TMEM132C: variants seen among roughly 807,000 people sequenced by gnomAD.
The protein encoded by TMEM132C is protein phosphatase 1, regulatory subunit 152.
In TMEM132C, 29 loss-of-function variants were observed where a neutral mutation model predicts 61.4. The observed-to-expected ratio is 0.47, with a 90% CI of 0.35 to 0.64. TMEM132C has a LOEUF of 0.64. Among genes scored for constraint, TMEM132C ranks in the 30% least tolerant of loss-of-function variants. TMEM132C has a pLI of 0.00. For missense variants in TMEM132C, 1,408 were observed against 1,476.9 expected (o/e 0.95, Z 0.76); for synonymous variants, 656 against 633.1 (o/e 1.04, Z -0.54).
intron 2 of TMEM132C, among the ~76,000 whole-genome samples, chr12:128,452,840 A>G (rs1312761479): frequency 1.3e-5 from 2 of 152,226 alleles, no homozygotes; most frequent in Non-Finnish European, 2.9e-5. Context: ...TCATAATTAC[A>G]TATGTATCGT....
In TMEM132C at chr12:128,654,253, C is replaced by T. The variant is rs1264366829; in HGVS notation, c.1306-15164C>T. Among the ~76,000 whole-genome samples, 6 of 152,014 alleles carry T rather than the reference C, an allele frequency of 3.9e-5. 1 individual carries two copies. The highest frequency in any genetic ancestry group is 4.2e-4 in the South Asian group (2 of 4,810). On this transcript the variant is annotated intron_variant, in intron 4 of 8. Transcript: ENST00000435159. ...TAGGTGGGAGATTTGGATAGAGCCA[C>T]GGGGAGAGCGTTCCACGGTGGCAGA...
chr12:128,579,322 C>A (rs928645788), intron 3 of TMEM132C, among the ~76,000 whole-genome samples: 1 of 152,324 alleles, frequency 6.6e-6, no homozygotes, highest in African/African-American at 2.4e-5. Flanking sequence ...TAAATCGTTT[C>A]TACTCTAATG....
At chr12:128,310,547 T>G (rs938867661) in intron 1 of TMEM132C, among the ~76,000 whole-genome samples, 2 of 150,844 alleles carry the variant, frequency 1.3e-5, no homozygotes, top group Admixed American at 6.6e-5. Flanking sequence ...GGGTCGGGGG[T>G]TTGCCACACG....
intron 3 of TMEM132C, among the ~76,000 whole-genome samples, chr12:128,583,591 A>T (rs1875429562): frequency 6.6e-6 from 1 of 152,182 alleles, no homozygotes; most frequent in Admixed American, 6.5e-5. Context: ...GATGCTGGGA[A>T]CAGGGAAGAT....
intron 1 of TMEM132C, among the ~76,000 whole-genome samples, chr12:128,275,252 A>G (rs2135893470): frequency 6.6e-6 from 1 of 152,270 alleles, no homozygotes; most frequent in Middle Eastern, 3.4e-3. Context: ...TAAGCGAGCA[A>G]TGCTTCCTCT....
intron 4 of TMEM132C, among the ~76,000 whole-genome samples, chr12:128,637,798 G>A (rs937785078): frequency 2.6e-5 from 4 of 152,216 alleles, no homozygotes; most frequent in African/African-American, 9.6e-5. Context: ...GGATCCCACA[G>A]TTGGCACAGC....
intron 1 of TMEM132C, among the ~76,000 whole-genome samples, chr12:128,405,515 A>G (rs1193421802): frequency 6.6e-6 from 1 of 152,226 alleles, no homozygotes; most frequent in Non-Finnish European, 1.5e-5. Flanking sequence ...GAGTCTATCT[A>G]AGAGAAAATC....
At chr12:128,602,787 T>C (rs1041529994) in intron 3 of TMEM132C, among the ~76,000 whole-genome samples, 11 of 152,192 alleles carry the variant, frequency 7.2e-5, no homozygotes, top group Admixed American at 2.6e-4. Flanking sequence ...TCCTGGGGAT[T>C]AGGGTGGCTT....
rs1565962409 is a variant in TMEM132C at position 128,525,337 on chromosome 12, TCTCTCTTTC to T, written c.975-18619_975-18611del. On this transcript the variant is annotated intron_variant, in intron 2 of 8. Coordinates refer to ENST00000435159, the MANE Select transcript of TMEM132C (RefSeq NM_001136103.3). ...TTGCACTTCTCTCTCTCTCTCTCTC[TCTCTCTTTC>T]TCTCTCTCTCTCTCTCCCTCCTTTG... Among the ~76,000 whole-genome samples the T allele has an allele frequency of 1.4e-4, 21 of 148,926 alleles. 1 individual carries two copies. The South Asian group carries it at 4.1e-3, about 29-fold the overall frequency.
chr12:128,615,526 T>C (rs1259125694), intron 3 of TMEM132C, among the ~76,000 whole-genome samples: 1 of 152,126 alleles, frequency 6.6e-6, no homozygotes, highest in Non-Finnish European at 1.5e-5. Flanking sequence ...GGCGTTAGAT[T>C]TTCATAAGGC....
intron 1 of TMEM132C, among the ~76,000 whole-genome samples, chr12:128,345,398 T>A (rs773155783): frequency 3.9e-5 from 6 of 152,202 alleles, no homozygotes; most frequent in Non-Finnish European, 7.3e-5. Flanking sequence ...AAAGAATGAT[T>A]TATATTCCTT....
chr12:128,503,913 T>G (rs1872265238), intron 2 of TMEM132C, among the ~76,000 whole-genome samples: 1 of 152,222 alleles, frequency 6.6e-6, no homozygotes, highest in African/African-American at 2.4e-5. Flanking sequence ...TTTATGGGGA[T>G]CAAGAACTTG....
In TMEM132C at chr12:128,507,586, A is replaced by G. The variant is rs574213017; in HGVS notation, c.975-36371A>G. 3.3e-5 allele frequency among the ~76,000 whole-genome samples: 5 copies of G among 152,158 alleles called. No individual in the cohort carries two copies. The East Asian group carries it at 9.7e-4, about 29-fold the overall frequency. On this transcript the variant is annotated intron_variant, in intron 2 of 8. Transcript: ENST00000435159. The stretch of plus-strand genomic sequence containing the variant: ...GTTTGAAAAATCTCCGTGAGTCCCA[A>G]CATGACGGGGAGCTGCTTCAGGTTT...
intron 1 of TMEM132C, among the ~76,000 whole-genome samples, chr12:128,328,626 A>C (rs1872591342): frequency 1.3e-5 from 2 of 151,952 alleles, no homozygotes; most frequent in African/African-American, 4.8e-5. Context: ...GTCTCTACCA[A>C]AAATACAAAA....
chr12:128,307,366 T>C (rs1481430737), intron 1 of TMEM132C, among the ~76,000 whole-genome samples: 2 of 151,566 alleles, frequency 1.3e-5, no homozygotes, highest in African/African-American at 4.9e-5. Context: ...CAGCAATGTC[T>C]AAGTAAAGAC....
intron 3 of TMEM132C, among the ~76,000 whole-genome samples, chr12:128,591,364 T>C (rs1014059999): frequency 6.6e-6 from 1 of 152,118 alleles, no homozygotes; most frequent in Admixed American, 6.5e-5. Flanking sequence ...GGAATCATAG[T>C]GTGTAGCCTT....
chr12:128,586,319 A>C, intron 3 of TMEM132C, among the ~76,000 whole-genome samples: 1 of 146,962 alleles, frequency 6.8e-6, no homozygotes, highest in Non-Finnish European at 1.5e-5. Context: ...ATATATTATT[A>C]TAAATACATA....
At chr12:128,382,500 T>C (rs1874434173) in intron 1 of TMEM132C, among the ~76,000 whole-genome samples, 1 of 152,224 alleles carries the variant, frequency 6.6e-6, no homozygotes, top group Admixed American at 6.5e-5. Flanking sequence ...AATAACCACA[T>C]GTGGCTAATG....
At chr12:128,614,881 G>A (rs924152784) in intron 3 of TMEM132C, among the ~76,000 whole-genome samples, 3 of 152,126 alleles carry the variant, frequency 2.0e-5, no homozygotes, top group South Asian at 2.1e-4. Flanking sequence ...TAACACAGAC[G>A]ACAAAGGTCC....
Sources: allele counts gnomAD v4.1 joint callset (sites outside exome capture counted in the v4.1 genomes callset), GRCh38; gene constraint gnomAD v4.1.1; transcripts MANE v1.5; gene names NCBI Gene and HGNC (gene_info 2026-07-23, HGNC 2026-07-21).